Variants in MAP2K5 observed in about 807,000 individuals in gnomAD.
MAP2K5 encodes mitogen-activated protein kinase kinase 5, also known as dual specificity mitogen-activated protein kinase kinase 5.
In MAP2K5, 49 loss-of-function variants were observed where a neutral mutation model predicts 83.1. That is an observed-to-expected ratio of 0.59 (90% CI 0.47 to 0.75). The LOEUF (loss-of-function observed/expected upper bound fraction) is 0.75, where lower values mean the gene tolerates loss of function less well. Among genes scored for constraint, MAP2K5 ranks in the 30% least tolerant of loss-of-function variants. The pLI, the probability that MAP2K5 is intolerant of heterozygous loss-of-function variation, is 0.00. For synonymous variants in MAP2K5, 202 were observed against 191.8 expected (o/e 1.05, Z -0.44); for missense variants, 457 against 557.5 (o/e 0.82, Z 1.82).
chr15:67,584,233 G>A (rs1487752704), intron 4 of MAP2K5, among the ~76,000 whole-genome samples: 1 of 152,208 alleles, frequency 6.6e-6, no homozygotes, highest in Non-Finnish European at 1.5e-5. Context: ...TGAGGTTACT[G>A]GGTTTTTTGA....
At chr15:67,628,842 A>G (rs186856035) in intron 8 of MAP2K5, 5 of 748,754 alleles carry the variant, frequency 6.7e-6, no homozygotes, top group South Asian at 2.7e-5. Context: ...TTCAGTGGTC[A>G]TGGTGGCTTT....
intron 2 of MAP2K5, among the ~76,000 whole-genome samples, chr15:67,554,843 G>T (rs548966527): frequency 6.6e-6 from 1 of 152,212 alleles, no homozygotes; most frequent in Non-Finnish European, 1.5e-5. Flanking sequence ...ATTATAAAAT[G>T]TATATGGTCT....
chr15:67,652,266 T>G lies in MAP2K5; in HGVS notation c.736+5797T>G, dbSNP rs1435573145. On this transcript the variant is annotated intron_variant, in intron 11 of 21. Coordinates refer to ENST00000178640, the MANE Select transcript of MAP2K5 (RefSeq NM_145160.3). This position sits in a 1 kb window ranked among gnomAD's most constrained non-coding sequence, Gnocchi z 4.2. ...TTATGATATAATACTCATACAAAAA[T>G]TTTAACCTTATTAGCCATGATATTA... Among the ~76,000 whole-genome samples the G allele has an allele frequency of 6.6e-6, 1 of 152,190 alleles. No homozygotes were observed. The highest frequency in any genetic ancestry group is 1.5e-5 in the Non-Finnish European group (1 of 68,024).
At chr15:67,680,609 G>C (rs555684202) in intron 13 of MAP2K5, among the ~76,000 whole-genome samples, 4 of 152,228 alleles carry the variant, frequency 2.6e-5, no homozygotes, top group South Asian at 4.1e-4. Flanking sequence ...ATGACAGAAG[G>C]CTCTTTTAGT....
At position 67,559,325 on chromosome 15, in the gene MAP2K5, G is replaced by C. The variant is rs2084688554; in HGVS notation, c.185-3958G>C. Among the ~76,000 whole-genome samples the C allele has an allele frequency of 6.6e-6, 1 of 152,122 alleles. No homozygotes were observed. Among genetic ancestry groups the C allele is most frequent in the Non-Finnish European group, 1.5e-5 (1 of 68,028 alleles). On this transcript the variant is annotated intron_variant, in intron 2 of 21. Transcript: ENST00000178640. The surrounding 1 kb of genome is among the most constrained non-coding windows in gnomAD (Gnocchi z 4.7). ...TCTTGAGCCCCTGTCACTGCAGTGG[G>C]TGCTGTTTGGCTGAGAGCTCCCTGG...
intron 16 of MAP2K5, among the ~76,000 whole-genome samples, chr15:67,715,482 G>A (rs867779631): frequency 4.6e-5 from 7 of 152,180 alleles, no homozygotes; most frequent in Admixed American, 1.3e-4. Context: ...TGTGTTCAGA[G>A]CTGTCGGGAA....
chr15:67,716,085 C>G (rs1369510092), intron 16 of MAP2K5, among the ~76,000 whole-genome samples: 1 of 152,196 alleles, frequency 6.6e-6, no homozygotes, highest in Non-Finnish European at 1.5e-5. Flanking sequence ...GTGCTAGTCA[C>G]TGGGGACACT....
intron 13 of MAP2K5, among the ~76,000 whole-genome samples, chr15:67,688,439 G>T (rs534784204): frequency 3.3e-5 from 5 of 152,278 alleles, no homozygotes; most frequent in African/African-American, 1.2e-4. Flanking sequence ...TGAGGAAGGG[G>T]TGCATATAGT....
chr15:67,748,161 C>T lies in MAP2K5; in HGVS notation c.1075-70C>T. 1 of 1,087,274 alleles carries T rather than the reference C, an allele frequency of 9.2e-7. No individual in the cohort carries two copies. The highest frequency in any genetic ancestry group is 1.4e-6 in the Non-Finnish European group (1 of 722,654). 67.4% of individuals were successfully genotyped at this position (1,087,274 alleles called of 1,614,324 possible). ...CACCAGCAATGCAATAATTTTCTCT[C>T]AGTGATCATAATGTGTCCAAGTGAG... On this transcript the variant is annotated intron_variant, in intron 17 of 21. Coordinates refer to ENST00000178640, the MANE Select transcript of MAP2K5 (RefSeq NM_145160.3). This position sits in a 1 kb window ranked among gnomAD's most constrained non-coding sequence, Gnocchi z 4.0.
intron 12 of MAP2K5, 31 bp from the exon 13 acceptor site, chr15:67,664,556 CATAATTGATA>C (rs2087324646): frequency 5.4e-6 from 7 of 1,284,852 alleles, no homozygotes; most frequent in Non-Finnish European, 7.8e-6. Flanking sequence ...TTTTAAAAAC[CATAATTGATA>C]ATTGTACTGT....
chr15:67,680,823 A>G (rs556619496), intron 13 of MAP2K5, among the ~76,000 whole-genome samples: 20 of 152,174 alleles, frequency 1.3e-4, no homozygotes, highest in Non-Finnish European at 2.4e-4. Flanking sequence ...GTGACAGGAG[A>G]CACATGTTGT....
intron 3 of MAP2K5, among the ~76,000 whole-genome samples, chr15:67,578,741 G>A (rs1041961821): frequency 3.9e-5 from 6 of 152,098 alleles, no homozygotes; most frequent in Non-Finnish European, 8.8e-5. Context: ...TAAAATGAAA[G>A]GAAAACCATT....
chr15:67,583,039 C>T (rs2085215458), intron 4 of MAP2K5, among the ~76,000 whole-genome samples: 1 of 152,156 alleles, frequency 6.6e-6, no homozygotes, highest in Non-Finnish European at 1.5e-5. Flanking sequence ...TCTGTTAAGG[C>T]ATTAATATTG....
At chr15:67,806,583 G>T (rs1241669370) in intron 21 of MAP2K5, 63 bp from the exon 22 acceptor site, 8 of 1,422,164 alleles carry the variant, frequency 5.6e-6, no homozygotes, top group Non-Finnish European at 7.6e-6. Context: ...GCAGGCCCTG[G>T]AAAGTACAAT....
At chr15:67,709,804 T>C (rs1406014716) in intron 16 of MAP2K5, among the ~76,000 whole-genome samples, 1 of 152,206 alleles carries the variant, frequency 6.6e-6, no homozygotes, top group African/African-American at 2.4e-5. Context: ...AAAAAATAAG[T>C]CAACATACAT....
intron 13 of MAP2K5, among the ~76,000 whole-genome samples, chr15:67,683,532 C>T (rs2141188175): frequency 6.6e-6 from 1 of 152,206 alleles, no homozygotes; most frequent in Non-Finnish European, 1.5e-5. Flanking sequence ...GAGGCTGAGG[C>T]AGGTAGATCA....
intron 8 of MAP2K5, among the ~76,000 whole-genome samples, chr15:67,611,561 C>T (rs2085925528): frequency 6.6e-6 from 1 of 152,074 alleles, no homozygotes; most frequent in African/African-American, 2.4e-5. Flanking sequence ...ACAGTGGGCG[C>T]CAATCACAAG....
At chr15:67,564,945 TA>T (rs1219408506) in intron 3 of MAP2K5, among the ~76,000 whole-genome samples, 2 of 152,254 alleles carry the variant, frequency 1.3e-5, no homozygotes, top group African/African-American at 4.8e-5. Context: ...GTCACAGTGA[TA>T]ATGATGATTT....
intron 17 of MAP2K5, among the ~76,000 whole-genome samples, chr15:67,741,725 C>T (rs958701548): frequency 4.6e-5 from 7 of 152,064 alleles, no homozygotes; most frequent in Non-Finnish European, 1.0e-4. Context: ...AAAATACCAA[C>T]TGATCATAAG....
Sources: gnomAD v4.1 joint callset for allele counts (sites outside exome capture counted in the v4.1 genomes callset) on GRCh38, gnomAD v4.1.1 for gene constraint, Gnocchi (gnomAD v3.1) non-coding constraint, MANE v1.5 for transcripts, NCBI Gene and HGNC (gene_info 2026-07-23, HGNC 2026-07-21) for gene names.